The following GRID1 variants were observed in gnomAD, a reference collection of about 807,000 sequenced individuals.
The protein encoded by GRID1 is glutamate ionotropic receptor delta type subunit 1.
Under a neutral mutation model 98.0 loss-of-function variants are expected in GRID1, and 28 were observed. The observed-to-expected ratio is 0.29, with a 90% CI of 0.21 to 0.39. GRID1 has a LOEUF of 0.39. Among genes scored for constraint, GRID1 ranks in the 10% least tolerant of loss-of-function variants. GRID1 has a pLI of 1.00. For missense variants in GRID1, 1,111 were observed against 1,340.5 expected, an observed-to-expected ratio of 0.83 and a Z score of 2.67; for synonymous variants, 553 against 538.5, an observed-to-expected ratio of 1.03 and a Z score of -0.37.
intron 2 of GRID1, among the ~76,000 whole-genome samples, chr10:86,243,030 G>A (rs1016928940): frequency 1.3e-5 from 2 of 152,036 alleles, no homozygotes; most frequent in Non-Finnish European, 1.5e-5. Context: ...TGTAAAACAA[G>A]AGTTATAATA....
intron 8 of GRID1, among the ~76,000 whole-genome samples, chr10:85,831,557 G>A (rs1026588186): frequency 6.6e-6 from 1 of 152,018 alleles, no homozygotes; most frequent in Non-Finnish European, 1.5e-5. Context: ...CTCTATGGTG[G>A]TCATATAGTA....
At position 85,950,172 on chromosome 10, in the gene GRID1, G is replaced by A. The variant is rs146995940; in HGVS notation, c.727-33933C>T. On this transcript the variant is annotated intron_variant, in intron 4 of 15. Transcript: ENST00000327946. ...AAATAGGGAGCAGACAAAACACAGT[G>A]GCAATGGGAGGTTTACATTCAACTA... 2.2e-3 allele frequency among the ~76,000 whole-genome samples: 341 copies of A among 152,242 alleles called. 2 individuals are homozygous for A. The highest frequency in any genetic ancestry group is 7.8e-3 in the African/African-American group (322 of 41,542).
intron 4 of GRID1, among the ~76,000 whole-genome samples, chr10:86,093,164 A>G (rs1419533989): frequency 6.6e-6 from 1 of 152,232 alleles, no homozygotes; most frequent in African/African-American, 2.4e-5. Context: ...CATGGAAATT[A>G]AAAAATTCTT....
At position 86,066,936 on chromosome 10, in the gene GRID1, C is replaced by G. The variant is rs368515774; in HGVS notation, c.726+71883G>C. ...TGCTGGTAGGGCCTGGGGCTTTCCG[C>G]GGGCCACTGTCACACCTGTCATGAA... On this transcript the variant is annotated intron_variant, in intron 4 of 15. Transcript: ENST00000327946. Among the ~76,000 whole-genome samples, 8 of 152,230 alleles carry G rather than the reference C, an allele frequency of 5.3e-5. No homozygotes were observed. The East Asian group carries it at 1.5e-3, about 29-fold the overall frequency.
intron 3 of GRID1, among the ~76,000 whole-genome samples, chr10:86,189,173 T>C (rs1219535336): frequency 6.6e-6 from 1 of 152,188 alleles, no homozygotes; most frequent in African/African-American, 2.4e-5. Flanking sequence ...TATGTGACCC[T>C]GGAATCCAGG....
At position 85,753,813 on chromosome 10, in the gene GRID1, C is replaced by T. The variant is rs536888954; in HGVS notation, c.1234-24199G>A. On this transcript the variant is annotated intron_variant, in intron 8 of 15. Coordinates refer to ENST00000327946, the MANE Select transcript of GRID1 (RefSeq NM_017551.3). ...AGTGGGAGATGGCCTCATAGCAGCT[C>T]CTCAGAGGCCTCCCTTCTTCTTGTG... 3.3e-5 allele frequency among the ~76,000 whole-genome samples: 5 copies of T among 152,290 alleles called. No homozygotes were observed. The South Asian group carries it at 1.0e-3, about 32-fold the overall frequency.
chr10:85,638,877 T>C (rs140570523), intron 13 of GRID1, among the ~76,000 whole-genome samples: 2 of 152,270 alleles, frequency 1.3e-5, no homozygotes, highest in East Asian at 3.9e-4. Context: ...AAAATAATAA[T>C]CAGATTTCTG....
chr10:85,813,638 T>C (rs543487446), intron 8 of GRID1, among the ~76,000 whole-genome samples: 4 of 152,024 alleles, frequency 2.6e-5, no homozygotes, highest in Non-Finnish European at 4.4e-5. Context: ...TAAAAACTTA[T>C]GTTTAAAAAA....
chr10:85,734,904 G>A (rs1468783195), intron 8 of GRID1, among the ~76,000 whole-genome samples: 1 of 152,176 alleles, frequency 6.6e-6, no homozygotes, highest in Admixed American at 6.5e-5. Context: ...TGGATCACCA[G>A]CCTTGTAGTC....
At chr10:85,960,471 C>A (rs56267961) in intron 4 of GRID1, among the ~76,000 whole-genome samples, 6,411 of 152,282 alleles carry the variant, frequency 0.042, 405 homozygotes, top group African/African-American at 0.13. Context: ...CCTCTCTTTG[C>A]TAAAGCTTTA....
At chr10:86,169,475 C>T (rs915350723) in intron 3 of GRID1, among the ~76,000 whole-genome samples, 6 of 152,206 alleles carry the variant, frequency 3.9e-5, no homozygotes, top group African/African-American at 1.4e-4. Context: ...CAGCATGCCC[C>T]TGCACAGGGG....
intron 2 of GRID1, among the ~76,000 whole-genome samples, chr10:86,284,200 A>G (rs1365671189): frequency 1.3e-5 from 2 of 151,778 alleles, no homozygotes; most frequent in African/African-American, 4.8e-5. Flanking sequence ...CTGCCCTCAT[A>G]CACACACCTG....
chr10:86,064,698 G>C (rs561249372), intron 4 of GRID1, among the ~76,000 whole-genome samples: 1 of 152,202 alleles, frequency 6.6e-6, no homozygotes, highest in Admixed American at 6.5e-5. Flanking sequence ...CCACTCCCCA[G>C]TACCCAGCAA....
chr10:85,780,242 G>A (rs1842369196), intron 8 of GRID1, among the ~76,000 whole-genome samples: 1 of 152,192 alleles, frequency 6.6e-6, no homozygotes, highest in Admixed American at 6.5e-5. Context: ...GAGCCTTGCT[G>A]CCATGGGCAC....
chr10:86,071,453 T>C (rs1454458566), intron 4 of GRID1, among the ~76,000 whole-genome samples: 2 of 152,214 alleles, frequency 1.3e-5, no homozygotes, highest in African/African-American at 4.8e-5. Context: ...TCCACAATAC[T>C]CTCACAGGTG....
At chr10:86,341,394 T>TACTTAC (rs1397950428) in intron 2 of GRID1, among the ~76,000 whole-genome samples, 2 of 151,978 alleles carry the variant, frequency 1.3e-5, no homozygotes, top group African/African-American at 4.8e-5. Flanking sequence ...GGACCCTGGG[T>TACTTAC]ACTTACGCGG....
At chr10:86,135,249 C>T (rs1007502178) in intron 4 of GRID1, among the ~76,000 whole-genome samples, 1 of 152,130 alleles carries the variant, frequency 6.6e-6, no homozygotes, top group Admixed American at 6.5e-5. Flanking sequence ...GAACCAAGGC[C>T]CAACTAGGAT....
intron 12 of GRID1, among the ~76,000 whole-genome samples, chr10:85,709,469 T>C (rs902673978): frequency 2.6e-5 from 4 of 152,184 alleles, no homozygotes; most frequent in African/African-American, 9.7e-5. Context: ...ATACAACATA[T>C]AGGGCAATAA....
chr10:85,677,702 T>G (rs759845012), intron 12 of GRID1, among the ~76,000 whole-genome samples: 1 of 152,114 alleles, frequency 6.6e-6, no homozygotes, highest in East Asian at 1.9e-4. Flanking sequence ...CTGGAGAGAA[T>G]GGAGTCGTAA....
Sources: gnomAD v4.1 joint callset for allele counts (sites outside exome capture counted in the v4.1 genomes callset) on GRCh38, gnomAD v4.1.1 for gene constraint, MANE v1.5 for transcripts, NCBI Gene and HGNC (gene_info 2026-07-23, HGNC 2026-07-21) for gene names.